Variants in SRRM4 observed in about 807,000 individuals in gnomAD.
The protein encoded by SRRM4 is serine/arginine repetitive matrix 4.
In SRRM4, 33 loss-of-function variants were observed where a neutral mutation model predicts 68.9. That is an observed-to-expected ratio of 0.48 (90% CI 0.36 to 0.64). SRRM4 has a LOEUF of 0.64. Ranked by LOEUF, SRRM4 falls within the 30% of genes least tolerant of loss-of-function variation. SRRM4 has a pLI of 0.00. For missense variants in SRRM4, 817 were observed against 827.1 expected (o/e 0.99, Z 0.15); for synonymous variants, 318 against 318.8 (o/e 1.00, Z 0.03).
chr12:119,148,968 G>C (rs1954421158), intron 9 of SRRM4, among the ~76,000 whole-genome samples: 1 of 152,168 alleles, frequency 6.6e-6, no homozygotes, highest in Non-Finnish European at 1.5e-5. Context: ...GGGGACTCTG[G>C]AGCTGCACAG....
At chr12:119,030,436 T>A (rs978356975) in intron 1 of SRRM4, among the ~76,000 whole-genome samples, 4 of 152,032 alleles carry the variant, frequency 2.6e-5, no homozygotes, top group African/African-American at 9.7e-5. Context: ...AAACAGAGAG[T>A]TTAGTTCTGG....
intron 1 of SRRM4, among the ~76,000 whole-genome samples, chr12:119,043,959 G>A (rs1044680704): frequency 2.0e-5 from 3 of 152,082 alleles, no homozygotes; most frequent in Non-Finnish European, 2.9e-5. Context: ...TCCGCCTTCC[G>A]GTTTTCAAGT....
At chr12:119,088,754 C>T (rs1259791974) in intron 1 of SRRM4, among the ~76,000 whole-genome samples, 2 of 152,070 alleles carry the variant, frequency 1.3e-5, no homozygotes, top group Non-Finnish European at 2.9e-5. Flanking sequence ...TGAGGCTTCT[C>T]CTGACAGACA....
At chr12:119,009,846 G>A (rs941779844) in intron 1 of SRRM4, among the ~76,000 whole-genome samples, 3 of 152,130 alleles carry the variant, frequency 2.0e-5, no homozygotes, top group African/African-American at 7.2e-5. Flanking sequence ...TGTGCTTAGG[G>A]CCCAAATACC....
At chr12:119,117,398 G>C (rs1412463164) in intron 4 of SRRM4, among the ~76,000 whole-genome samples, 1 of 152,174 alleles carries the variant, frequency 6.6e-6, no homozygotes, top group Non-Finnish European at 1.5e-5. Flanking sequence ...GTTGCAAGGA[G>C]ACACTGAATC....
At chr12:118,988,142 G>A (rs936386935) in intron 1 of SRRM4, among the ~76,000 whole-genome samples, 10 of 151,786 alleles carry the variant, frequency 6.6e-5, no homozygotes, top group Admixed American at 1.3e-4. Flanking sequence ...AAAAAACAGC[G>A]AAGGGAGAGA....
chr12:119,137,702 A>G (rs996270508), intron 8 of SRRM4, among the ~76,000 whole-genome samples: 4 of 151,782 alleles, frequency 2.6e-5, no homozygotes, highest in East Asian at 3.9e-4. Flanking sequence ...CTTCCCCCCA[A>G]TGGCCTTGAG....
chr12:118,981,582 G>A lies in SRRM4; in HGVS notation c.-301G>A. 1 of 333,352 alleles carries A rather than the reference G, an allele frequency of 3.0e-6. No homozygotes were observed. The highest frequency in any genetic ancestry group is 5.5e-6 in the Non-Finnish European group (1 of 181,918). 20.6% of individuals were successfully genotyped at this position (333,352 alleles called of 1,614,324 possible). A position where few individuals can be genotyped will look rare whatever the true frequency, so the allele number is the denominator to read the frequency against. On this transcript the variant is annotated 5_prime_UTR_variant, in exon 1 of 13. Transcript: ENST00000267260. ...CCGACCCCGTCGCCTCTTCTCTCCTGGTGCTGCCCAGAAAGCCAGCCCTCC... is the reference window on the plus strand; with the variant it reads ...CCGACCCCGTCGCCTCTTCTCTCCTAGTGCTGCCCAGAAAGCCAGCCCTCC...
chr12:119,114,628 A>G (rs1954165977), intron 3 of SRRM4, among the ~76,000 whole-genome samples: 1 of 151,124 alleles, frequency 6.6e-6, no homozygotes, highest in Non-Finnish European at 1.5e-5. Context: ...TACCTGGCAC[A>G]TGGTAAATGA....
intron 4 of SRRM4, among the ~76,000 whole-genome samples, chr12:119,119,835 ACTCT>A (rs1423890222): frequency 6.6e-6 from 1 of 151,306 alleles, no homozygotes; most frequent in Non-Finnish European, 1.5e-5. Flanking sequence ...AAGGCAGAAG[ACTCT>A]CTCTACGTTC....
At chr12:119,054,352 T>C (rs918705933) in intron 1 of SRRM4, among the ~76,000 whole-genome samples, 1 of 152,270 alleles carries the variant, frequency 6.6e-6, no homozygotes, top group Non-Finnish European at 1.5e-5. Context: ...GTATATTATC[T>C]CATTTAACAT....
intron 1 of SRRM4, among the ~76,000 whole-genome samples, chr12:119,029,439 G>A (rs1953572252): frequency 6.6e-6 from 1 of 152,170 alleles, no homozygotes; most frequent in Non-Finnish European, 1.5e-5. Context: ...AGCTAATAAT[G>A]TGCTAGAAAT....
intron 1 of SRRM4, among the ~76,000 whole-genome samples, chr12:118,982,252 C>G (rs1182383210): frequency 1.3e-5 from 2 of 152,106 alleles, no homozygotes; most frequent in Non-Finnish European, 2.9e-5. Flanking sequence ...AGCTCCTATT[C>G]AAGAGGTTTT....
chr12:119,088,821 G>A (rs1341064088), intron 1 of SRRM4, among the ~76,000 whole-genome samples: 1 of 152,156 alleles, frequency 6.6e-6, no homozygotes, highest in South Asian at 2.1e-4. Flanking sequence ...CAGAGAGGTT[G>A]GAAGACTAGG....
chr12:119,094,699 G>A (rs1423514036), intron 1 of SRRM4, among the ~76,000 whole-genome samples: 1 of 152,228 alleles, frequency 6.6e-6, no homozygotes, highest in African/African-American at 2.4e-5. Flanking sequence ...TTCCCCAGGA[G>A]GGGTTAGGTG....
Position 119,029,081 on chromosome 12 carries a change from A to G in SRRM4, c.131+47068A>G, listed in dbSNP as rs528519169. On this transcript the variant is annotated intron_variant, in intron 1 of 12. Transcript: ENST00000267260. ...GGAAAATACTGTGCCCCATATGCAA[A>G]GGTGAGAAATAACTCACAATATCTT... 8.5e-5 allele frequency among the ~76,000 whole-genome samples: 13 copies of G among 152,330 alleles called. No individual in the cohort carries two copies. The East Asian group carries it at 1.7e-3, about 20-fold the overall frequency.
At chr12:119,057,936 C>G (rs1953787408) in intron 1 of SRRM4, among the ~76,000 whole-genome samples, 1 of 152,072 alleles carries the variant, frequency 6.6e-6, no homozygotes, top group Admixed American at 6.6e-5. Context: ...AACAAAGGCA[C>G]AAAACCATGA....
intron 1 of SRRM4, among the ~76,000 whole-genome samples, chr12:119,083,247 C>A (rs138802102): frequency 6.6e-6 from 1 of 152,002 alleles, no homozygotes; most frequent in Non-Finnish European, 1.5e-5. Context: ...ATGGGACCTG[C>A]GACTCCTTAC....
chr12:119,125,450 G>C lies in SRRM4; in HGVS notation c.585G>C (p.Ser195=), dbSNP rs769309951. Residue 195 remains serine, a synonymous_variant, in exon 7 of 13, where the codon TCG becomes TCC. Coordinates refer to ENST00000267260, the MANE Select transcript of SRRM4 (RefSeq NM_194286.4). ...GCTGCCCCTCGCGGTCCCAGAGCTCGGAGTCCCGCCCCTCAAGCTGTGAGA... is the reference window on the plus strand; with the variant it reads ...GCTGCCCCTCGCGGTCCCAGAGCTCCGAGTCCCGCCCCTCAAGCTGTGAGA... ...HHRCPSRSQS[S]ESRPSSCESR... 6.8e-6 allele frequency: 11 copies of C among 1,612,268 alleles called. No individual in the cohort carries two copies. In the South Asian group the frequency reaches 9.9e-5, roughly 15 times the overall value.
Sources: gnomAD v4.1 joint callset for allele counts (sites outside exome capture counted in the v4.1 genomes callset) on GRCh38, gnomAD v4.1.1 for gene constraint, MANE v1.5 for transcripts, NCBI Gene and HGNC (gene_info 2026-07-23, HGNC 2026-07-21) for gene names.